The following DMD variants were observed in gnomAD, a reference collection of about 807,000 sequenced individuals.
The protein encoded by DMD is mutant dystrophin.
A neutral mutation model predicts 330.1 loss-of-function variants in DMD; 63 were observed. The observed-to-expected ratio is 0.19, with a 90% CI of 0.16 to 0.24. The LOEUF (loss-of-function observed/expected upper bound fraction) is 0.24. Among genes scored for constraint, DMD ranks in the 10% least tolerant of loss-of-function variants. The pLI is 1.00. For missense variants in DMD, 3,344 were observed against 2,684.1 expected (o/e 1.25, Z -5.43); for synonymous variants, 1,223 against 959.8 (o/e 1.27, Z -5.07).
intron 47 of DMD, among the ~76,000 whole-genome samples, chrX:31,916,939 G>A (rs1348801743): frequency 2.7e-5 from 3 of 112,185 alleles, no homozygotes; most frequent in South Asian, 3.7e-4. Context: ...TTCTGTGGTC[G>A]GATGAATGTG....
intron 1 of DMD, among the ~76,000 whole-genome samples, chrX:33,270,897 T>C (rs753987779): frequency 9.0e-5 from 10 of 111,656 alleles, no homozygotes; most frequent in African/African-American, 1.3e-4. Context: ...ATCTTGGCTG[T>C]ATTTATTTTT....
intron 55 of DMD, among the ~76,000 whole-genome samples, chrX:31,530,921 C>T (rs1244436534): frequency 1.0e-4 from 8 of 78,773 alleles, no homozygotes; most frequent in Non-Finnish European, 1.4e-4. Flanking sequence ...TGAGAATATG[C>T]GGTGTTTGGT....
intron 1 of DMD, among the ~76,000 whole-genome samples, chrX:33,231,960 T>G (rs1010469057): frequency 9.0e-6 from 1 of 110,554 alleles, no homozygotes; most frequent in Non-Finnish European, 1.9e-5. Context: ...TTTATAGGGG[T>G]CAGCTTCACA....
intron 67 of DMD, among the ~76,000 whole-genome samples, chrX:31,199,607 G>T (rs1478079986): frequency 3.6e-5 from 4 of 112,049 alleles, no homozygotes; most frequent in African/African-American, 9.7e-5. Context: ...ATAATCCAGA[G>T]AGTGTGGCAC....
At chrX:31,560,098 C>A (rs1167579019) in intron 55 of DMD, among the ~76,000 whole-genome samples, 1 of 111,856 alleles carries the variant, frequency 8.9e-6, no homozygotes, top group African/African-American at 3.3e-5. Context: ...AAATCACACC[C>A]CTACTCTTGC....
intron 2 of DMD, among the ~76,000 whole-genome samples, chrX:33,018,762 T>C (rs1374941048): frequency 3.6e-5 from 4 of 111,876 alleles, no homozygotes; most frequent in South Asian, 3.7e-4. Flanking sequence ...TGCCAGTATA[T>C]ACAGCAATTA....
chrX:31,351,349 G>A (rs777825314), intron 60 of DMD, among the ~76,000 whole-genome samples: 2 of 110,877 alleles, frequency 1.8e-5, no homozygotes, highest in South Asian at 3.9e-4. Context: ...ACAATGTAAA[G>A]CATTTAGCCT....
intron 12 of DMD, among the ~76,000 whole-genome samples, chrX:32,601,814 A>C (rs183656188): frequency 2.1e-4 from 24 of 112,292 alleles, no homozygotes; most frequent in African/African-American, 7.7e-4. Flanking sequence ...GTGGTTAAGA[A>C]GATTGAATAA....
At chrX:31,655,294 T>C (rs1213947514) in intron 54 of DMD, among the ~76,000 whole-genome samples, 2 of 111,133 alleles carry the variant, frequency 1.8e-5, no homozygotes, top group Non-Finnish European at 3.8e-5. Context: ...GGTGGTTACC[T>C]GATGCTGGGA....
chrX:32,488,467 T>C (rs1313406586), intron 20 of DMD, among the ~76,000 whole-genome samples: 2 of 111,543 alleles, frequency 1.8e-5, no homozygotes, highest in Admixed American at 1.9e-4. Flanking sequence ...CCAAATAAAA[T>C]AAAACGCTGA....
intron 44 of DMD, among the ~76,000 whole-genome samples, chrX:32,082,092 GTTC>G (rs1368045336): frequency 6.8e-4 from 76 of 111,241 alleles, no homozygotes; most frequent in African/African-American, 2.3e-3. Context: ...CATATTACAT[GTTC>G]TTAGTTGCTT....
At chrX:31,238,028 A>G (rs1405644119) in intron 63 of DMD, among the ~76,000 whole-genome samples, 2 of 111,096 alleles carry the variant, frequency 1.8e-5, no homozygotes, top group Non-Finnish European at 3.8e-5. Flanking sequence ...CCTTGAAAAG[A>G]CTCTTCTTTA....
At chrX:32,914,343 C>T (rs1321394) in intron 2 of DMD, among the ~76,000 whole-genome samples, 16,022 of 111,415 alleles carry the variant, frequency 0.14, 913 homozygotes, top group Middle Eastern at 0.2. Flanking sequence ...GCTGTCAGCT[C>T]GGTACAGACC....
At chrX:32,203,476 A>G (rs2097050139) in intron 44 of DMD, among the ~76,000 whole-genome samples, 2 of 112,652 alleles carry the variant, frequency 1.8e-5, no homozygotes, top group Non-Finnish European at 1.9e-5. Flanking sequence ...TTCAGGGAAC[A>G]GTAAATTTTA....
At chrX:32,531,272 T>C (rs190340503) in intron 17 of DMD, among the ~76,000 whole-genome samples, 92 of 111,797 alleles carry the variant, frequency 8.2e-4, no homozygotes, top group South Asian at 6.3e-3. Context: ...AGAAAATATG[T>C]CCACAGTTTG....
At chrX:32,815,520 T>TACACACACACACACACACAC (rs1557051739) in intron 6 of DMD, among the ~76,000 whole-genome samples, 10 of 78,915 alleles carry the variant, frequency 1.3e-4, no homozygotes, top group African/African-American at 5.3e-4. Flanking sequence ...TATATATATA[T>TACACACACACACACACACAC]ACACACACAC....
At chrX:31,508,219 A>AT in intron 55 of DMD, 1 of 1,203,583 alleles carries the variant, frequency 8.3e-7, no homozygotes, top group Non-Finnish European at 1.1e-6. Context: ...TTTACATGGT[A>AT]TGTCTTCCTG....
intron 74 of DMD, among the ~76,000 whole-genome samples, chrX:31,150,090 C>G (rs1037122492): frequency 1.8e-5 from 2 of 111,450 alleles, no homozygotes; most frequent in African/African-American, 6.5e-5. Context: ...TTGTCCATAT[C>G]TTTATTAATT....
At chrX:32,309,045 T>A (rs904286960) in intron 42 of DMD, among the ~76,000 whole-genome samples, 6 of 111,349 alleles carry the variant, frequency 5.4e-5, no homozygotes, top group African/African-American at 1.9e-4. Flanking sequence ...AGTGCCACAC[T>A]GACATGGATG....
Sources: allele counts gnomAD v4.1 joint callset (sites outside exome capture counted in the v4.1 genomes callset), GRCh38; gene constraint gnomAD v4.1.1; transcripts MANE v1.5; gene names NCBI Gene and HGNC (gene_info 2026-07-23, HGNC 2026-07-21).